The following CPED1 variants were observed in gnomAD, a reference collection of about 807,000 sequenced individuals.
The protein encoded by CPED1 is cadherin-like and PC-esterase domain-containing protein 1.
CPED1 carries 114 observed loss-of-function variants against 128.2 expected under a neutral mutation model. That is an observed-to-expected ratio of 0.89 (90% confidence interval 0.76 to 1.04). The LOEUF (loss-of-function observed/expected upper bound fraction) is 1.04. CPED1 is among the 50% of genes least tolerant of loss of function. CPED1 has a pLI of 0.00. For missense variants in CPED1, 1,211 were observed against 1,207.1 expected, an observed-to-expected ratio of 1.00 and a Z score of -0.05; for synonymous variants, 462 against 426.7, an observed-to-expected ratio of 1.08 and a Z score of -1.02.
At position 121,176,863 on chromosome 7, in the gene CPED1, C is replaced by G. The variant is rs532338843; in HGVS notation, c.2055+34722C>G. 3.3e-5 allele frequency among the ~76,000 whole-genome samples: 5 copies of G among 152,160 alleles called. No individual in the cohort carries two copies. The East Asian group carries it at 9.7e-4, about 29-fold the overall frequency. ...TACAGGTTATTTATATTCTTTCTATCACAGAGATTTCTGCCATCCTTGGAA... is the reference window on the plus strand; with the variant it reads ...TACAGGTTATTTATATTCTTTCTATGACAGAGATTTCTGCCATCCTTGGAA... On this transcript the variant is annotated intron_variant, in intron 16 of 22. Transcript: ENST00000310396.
chr7:121,056,094 G>A (rs776897034), intron 4 of CPED1, among the ~76,000 whole-genome samples: 20 of 152,022 alleles, frequency 1.3e-4, no homozygotes, highest in Non-Finnish European at 2.8e-4. Flanking sequence ...GAAATGCTCA[G>A]AATATGAGTA....
At chr7:120,999,282 T>A (rs1416299985) in intron 2 of CPED1, among the ~76,000 whole-genome samples, 1 of 152,206 alleles carries the variant, frequency 6.6e-6, no homozygotes, top group African/African-American at 2.4e-5. Context: ...ATCATGCCAC[T>A]TCTACATTAA....
At chr7:121,265,519 T>C (rs147089018) in intron 18 of CPED1, among the ~76,000 whole-genome samples, 22 of 152,206 alleles carry the variant, frequency 1.4e-4, no homozygotes, top group African/African-American at 4.6e-4. Flanking sequence ...ACAAATGAGA[T>C]AGCCAGAACT....
At chr7:121,168,324 G>T (rs1796578373) in intron 16 of CPED1, among the ~76,000 whole-genome samples, 1 of 152,054 alleles carries the variant, frequency 6.6e-6, no homozygotes, top group Non-Finnish European at 1.5e-5. Context: ...TGACTGACAA[G>T]GTCTTAATAT....
chr7:121,083,468 A>G (rs1451196632), intron 5 of CPED1, among the ~76,000 whole-genome samples: 3 of 152,198 alleles, frequency 2.0e-5, no homozygotes, highest in Non-Finnish European at 2.9e-5. Flanking sequence ...GCTGGTTTGT[A>G]TAGCACCAAT....
intron 5 of CPED1, among the ~76,000 whole-genome samples, chr7:121,078,721 C>T (rs951677695): frequency 2.0e-5 from 3 of 152,094 alleles, no homozygotes; most frequent in Non-Finnish European, 4.4e-5. Context: ...AACTGGGAGA[C>T]CAACATGTGT....
At chr7:121,077,129 A>G (rs577496228) in intron 5 of CPED1, among the ~76,000 whole-genome samples, 4 of 152,244 alleles carry the variant, frequency 2.6e-5, no homozygotes, top group South Asian at 2.1e-4. Context: ...GACTCCAGAT[A>G]AGGAACTCTA....
intron 3 of CPED1, among the ~76,000 whole-genome samples, chr7:121,022,347 G>A (rs1458243112): frequency 3.3e-5 from 5 of 151,800 alleles, no homozygotes; most frequent in African/African-American, 9.7e-5. Flanking sequence ...CATAAATATA[G>A]TATTACATAG....
intron 16 of CPED1, among the ~76,000 whole-genome samples, chr7:121,167,880 T>C (rs540871231): frequency 6.6e-4 from 101 of 152,068 alleles, no homozygotes; most frequent in African/African-American, 2.4e-3. Context: ...TACAGGCGCC[T>C]GCCACCATGC....
intron 3 of CPED1, among the ~76,000 whole-genome samples, chr7:121,017,258 G>A (rs908418360): frequency 6.6e-6 from 1 of 152,064 alleles, no homozygotes; most frequent in African/African-American, 2.4e-5. Flanking sequence ...TGAGCTTCTG[G>A]GAGCAAATGA....
intron 18 of CPED1, among the ~76,000 whole-genome samples, chr7:121,244,803 G>A (rs1031076969): frequency 5.9e-5 from 9 of 152,130 alleles, no homozygotes; most frequent in Non-Finnish European, 1.2e-4. Context: ...TTGTTTTTAC[G>A]CACTAACCTT....
At chr7:121,210,105 T>G (rs975598798) in intron 16 of CPED1, among the ~76,000 whole-genome samples, 3 of 152,020 alleles carry the variant, frequency 2.0e-5, no homozygotes, top group African/African-American at 7.2e-5. Flanking sequence ...AAAGCTACAA[T>G]GAGCTATCAT....
intron 22 of CPED1, 117 bp downstream of exon 22, chr7:121,271,547 G>A: frequency 1.0e-6 from 1 of 1,002,386 alleles, no homozygotes; most frequent in Admixed American, 2.2e-5. Flanking sequence ...GTCAGGTGGA[G>A]ATTAAATGAT....
At chr7:121,277,351 C>T (rs923749604) in intron 22 of CPED1, among the ~76,000 whole-genome samples, 3 of 150,296 alleles carry the variant, frequency 2.0e-5, no homozygotes, top group South Asian at 2.1e-4. Context: ...GTTGGATATA[C>T]AAATATGACA....
At chr7:120,993,087 A>C (rs1452833815) in intron 2 of CPED1, among the ~76,000 whole-genome samples, 1 of 152,208 alleles carries the variant, frequency 6.6e-6, no homozygotes, top group Non-Finnish European at 1.5e-5. Flanking sequence ...GTTTTCTCTC[A>C]ACATCAGTAG....
At chr7:121,027,687 T>G in intron 3 of CPED1, among the ~76,000 whole-genome samples, 1 of 151,396 alleles carries the variant, frequency 6.6e-6, no homozygotes, top group Middle Eastern at 3.2e-3. Flanking sequence ...ATCAAACCAG[T>G]GACATCTCTG....
At chr7:121,251,950 T>C (rs901927566) in intron 18 of CPED1, among the ~76,000 whole-genome samples, 7 of 151,772 alleles carry the variant, frequency 4.6e-5, no homozygotes, top group African/African-American at 1.7e-4. Flanking sequence ...CTTCAAAGAA[T>C]TGGAAAAAAC....
chr7:121,097,887 C>G (rs1794739924), intron 6 of CPED1, 56 bp downstream of exon 6: 1 of 1,590,794 alleles, frequency 6.3e-7, no homozygotes, highest in South Asian at 1.1e-5. Flanking sequence ...AGACAGCTAA[C>G]AAGAGAAAAG....
chr7:121,169,354 G>T (rs1012376467), intron 16 of CPED1, among the ~76,000 whole-genome samples: 2 of 152,072 alleles, frequency 1.3e-5, no homozygotes, highest in African/African-American at 4.8e-5. Context: ...TGAAATTTTT[G>T]ATCCTATTTC....
Sources: allele counts gnomAD v4.1 joint callset (sites outside exome capture counted in the v4.1 genomes callset), GRCh38; gene constraint gnomAD v4.1.1; transcripts MANE v1.5; gene names NCBI Gene and HGNC (gene_info 2026-07-23, HGNC 2026-07-21).